Variants in ARHGAP28 observed in about 807,000 individuals in gnomAD.
ARHGAP28 encodes the protein rho GTPase-activating protein 28.
Under a neutral mutation model 90.7 loss-of-function variants are expected in ARHGAP28, and 56 were observed. The ratio of observed to expected loss-of-function variants is 0.62; its 90% CI spans 0.50 to 0.77. The LOEUF (loss-of-function observed/expected upper bound fraction) is 0.77, where lower values mean the gene tolerates loss of function less well. Ranked by LOEUF, ARHGAP28 falls within the 30% of genes least tolerant of loss-of-function variation. ARHGAP28 has a pLI of 0.00. For missense variants in ARHGAP28, 869 were observed against 900.9 expected (o/e 0.96, Z 0.45); for synonymous variants, 308 against 323.3 (o/e 0.95, Z 0.51).
At chr18:6,860,775 A>AT (rs2056992250) in intron 5 of ARHGAP28, among the ~76,000 whole-genome samples, 1 of 152,120 alleles carries the variant, frequency 6.6e-6, no homozygotes, top group South Asian at 2.1e-4. Context: ...GTGTTTTTAG[A>AT]TTTTTGTTTA....
intron 16 of ARHGAP28, among the ~76,000 whole-genome samples, chr18:6,904,530 C>T (rs2057354881): frequency 6.6e-6 from 1 of 152,112 alleles, no homozygotes; most frequent in Non-Finnish European, 1.5e-5. Flanking sequence ...CAAGTTCCTA[C>T]CTCTAAAAAC....
rs896325818 is a variant in ARHGAP28 at position 6,871,170 on chromosome 18, C to G, written c.954+438C>G. Among the ~76,000 whole-genome samples, 6 of 152,338 alleles carry G rather than the reference C, an allele frequency of 3.9e-5. 1 individual carries two copies. Among genetic ancestry groups the G allele is most frequent in the Admixed American group, 2.0e-4 (3 of 15,300 alleles). ...GCGGCCAGGCATCACACTGCTCACA[C>G]TACCATTGGGGGTGTTATGTGGGCA... is the stretch of plus-strand genomic sequence containing the variant. On this transcript the variant is annotated intron_variant, in intron 7 of 17. Transcript: ENST00000383472.
chr18:6,776,033 G>C (rs2056280563), intron 1 of ARHGAP28, among the ~76,000 whole-genome samples: 1 of 152,132 alleles, frequency 6.6e-6, no homozygotes, highest in Admixed American at 6.5e-5. Flanking sequence ...ACCCAAGCAA[G>C]TAGGAACTTT....
intron 1 of ARHGAP28, among the ~76,000 whole-genome samples, chr18:6,806,828 A>G (rs988595542): frequency 2.0e-5 from 3 of 151,796 alleles, no homozygotes; most frequent in Admixed American, 6.6e-5. Context: ...CATCATTTTT[A>G]TGTCTGAAAA....
At chr18:6,770,835 G>T (rs2056236936) in intron 1 of ARHGAP28, among the ~76,000 whole-genome samples, 1 of 152,078 alleles carries the variant, frequency 6.6e-6, no homozygotes, top group African/African-American at 2.4e-5. Flanking sequence ...CTTGAATTCA[G>T]AAAAACATAA....
intron 1 of ARHGAP28, among the ~76,000 whole-genome samples, chr18:6,820,130 A>T (rs1365978586): frequency 1.3e-5 from 2 of 152,206 alleles, no homozygotes; most frequent in Non-Finnish European, 2.9e-5. Flanking sequence ...AAGAGATAAG[A>T]TCTTTCCAAT....
chr18:6,823,157 A>C (rs2143760921), intron 1 of ARHGAP28, among the ~76,000 whole-genome samples: 1 of 152,246 alleles, frequency 6.6e-6, no homozygotes, highest in East Asian at 1.9e-4. Flanking sequence ...GCAAGCTTGG[A>C]GAAGATTCTT....
chr18:6,776,981 C>T (rs1385844072), intron 1 of ARHGAP28, among the ~76,000 whole-genome samples: 1 of 152,116 alleles, frequency 6.6e-6, no homozygotes, highest in Non-Finnish European at 1.5e-5. Context: ...TTTATACAAC[C>T]TAACAAGTTT....
At position 6,868,208 on chromosome 18, in the gene ARHGAP28, G is replaced by T; in HGVS notation, c.785G>T (p.Gly262Val). The change falls in exon 6 of 18, where the codon GGA (glycine) becomes GTA (valine). Residue 262 changes from glycine to valine, a missense_variant. Physicochemically the swap from Gly to Val is moderately radical, Grantham distance 109. Transcript: ENST00000383472. ...CATTCCAATGGATCACCGGAGCCTG[G>T]ACAGCCAGTTCAGAATGCGATAAGT... ...PVHSNGSPEPGQPVQNAISDD... is the reference protein window; with the variant it reads ...PVHSNGSPEPVQPVQNAISDD... 1 of 1,614,128 alleles carries T rather than the reference G, an allele frequency of 6.2e-7. No homozygotes were observed. The highest frequency in any genetic ancestry group is 1.1e-5 in the South Asian group (1 of 91,068).
At chr18:6,908,867 A>C (rs2057378657) in intron 16 of ARHGAP28, 93 bp from the exon 17 acceptor site, 1 of 736,390 alleles carries the variant, frequency 1.4e-6, no homozygotes, top group African/African-American at 1.8e-5. Flanking sequence ...GTCAAGGCAG[A>C]ATGAATTGTT....
In ARHGAP28 at chr18:6,824,868, T is replaced by G; in HGVS notation, c.229T>G (p.Ser77Ala). 6.5e-7 allele frequency: 1 copy of G among 1,536,236 alleles called. No individual in the cohort carries two copies. The highest frequency in any genetic ancestry group is 8.7e-7 in the Non-Finnish European group (1 of 1,146,928). Residue 77 changes from serine (S) to alanine (A), a missense_variant, in exon 2 of 18, where the codon TCC (serine) becomes GCC (alanine). Ser to Ala is a moderately conservative substitution (Grantham distance 99). Coordinates refer to ENST00000383472, the MANE Select transcript of ARHGAP28 (RefSeq NM_001366230.1). ...SNSEASVDSA[S>A]MEDFWREIES... ...CTCAGAAGCCTCCGTAGACAGCGCCTCCATGGAGGATTTCTGGCGGGAAAT... is the reference window on the plus strand; with the variant it reads ...CTCAGAAGCCTCCGTAGACAGCGCCGCCATGGAGGATTTCTGGCGGGAAAT...
intron 3 of ARHGAP28, among the ~76,000 whole-genome samples, chr18:6,842,211 G>C (rs771163441): frequency 2.8e-4 from 42 of 152,012 alleles, no homozygotes; most frequent in Non-Finnish European, 5.9e-4. Context: ...AAATTAGCCA[G>C]TTGCGGTGGC....
At chr18:6,809,802 A>G (rs2056543798) in intron 1 of ARHGAP28, among the ~76,000 whole-genome samples, 1 of 152,176 alleles carries the variant, frequency 6.6e-6, no homozygotes, top group Non-Finnish European at 1.5e-5. Context: ...GAGTGGGGAC[A>G]CAGAGCCGAA....
In ARHGAP28 at chr18:6,898,507, C is replaced by A. The variant is rs778553050; in HGVS notation, c.2030+1881C>A. Reference sequence around the variant, plus strand: ...TGGGTTAAAAAAGAAAGAGAAGAGTCGACAGAGACCAACAGGAGCCCCAAA... The same window carrying A: ...TGGGTTAAAAAAGAAAGAGAAGAGTAGACAGAGACCAACAGGAGCCCCAAA... On this transcript the variant is annotated intron_variant, in intron 16 of 17. Transcript: ENST00000383472. 1.9e-6 allele frequency: 3 copies of A among 1,614,054 alleles called. No individual in the cohort carries two copies. In the South Asian group the frequency reaches 3.3e-5, roughly 18 times the overall value.
chr18:6,811,238 T>G (rs2143688046), intron 1 of ARHGAP28, among the ~76,000 whole-genome samples: 1 of 152,292 alleles, frequency 6.6e-6, no homozygotes, highest in Non-Finnish European at 1.5e-5. Flanking sequence ...TTCTACAAAC[T>G]TACTGATGTG....
intron 3 of ARHGAP28, among the ~76,000 whole-genome samples, chr18:6,848,624 T>C (rs2056884530): frequency 6.6e-6 from 1 of 152,202 alleles, no homozygotes; most frequent in Non-Finnish European, 1.5e-5. Context: ...GTTTATGAAA[T>C]GATTTTACAT....
intron 1 of ARHGAP28, chr18:6,774,311 GAGAA>G (rs1300944836): frequency 1.3e-5 from 2 of 152,192 alleles, no homozygotes; most frequent in Non-Finnish European, 2.9e-5. Flanking sequence ...TTATGTAAAA[GAGAA>G]AGGAAGGCGC....
intron 1 of ARHGAP28, among the ~76,000 whole-genome samples, chr18:6,820,404 T>A (rs2056618835): frequency 6.6e-6 from 1 of 152,176 alleles, no homozygotes; most frequent in South Asian, 2.1e-4. Context: ...CAAAGCAGAT[T>A]ATGAAGAACA....
At chr18:6,737,994 A>C (rs1232147679) in intron 1 of ARHGAP28, among the ~76,000 whole-genome samples, 1 of 152,162 alleles carries the variant, frequency 6.6e-6, no homozygotes, top group Non-Finnish European at 1.5e-5. Context: ...CCCTTAGAAA[A>C]CCAGCTGCCT....
Sources: allele counts gnomAD v4.1 joint callset (sites outside exome capture counted in the v4.1 genomes callset), GRCh38; gene constraint gnomAD v4.1.1; transcripts MANE v1.5; gene names NCBI Gene and HGNC (gene_info 2026-07-23, HGNC 2026-07-21).